The following SP100 variants were observed in gnomAD, a reference collection of about 807,000 sequenced individuals.
SP100 encodes nuclear autoantigen Sp-100.
In SP100, 84 loss-of-function variants were observed where a neutral mutation model predicts 130.0. The ratio of observed to expected loss-of-function variants is 0.65; its 90% CI spans 0.54 to 0.77. The LOEUF (loss-of-function observed/expected upper bound fraction) is 0.77. Among genes scored for constraint, SP100 ranks in the 30% least tolerant of loss-of-function variants. The pLI is 0.00. For synonymous variants in SP100, 331 were observed against 351.7 expected (o/e 0.94, Z 0.66); for missense variants, 978 against 1,052.2 (o/e 0.93, Z 0.97).
At chr2:230,506,205 C>T in intron 21 of SP100, 98 bp from the exon 22 acceptor site, 1 of 1,325,282 alleles carries the variant, frequency 7.5e-7, no homozygotes, top group Non-Finnish European at 1.1e-6. Flanking sequence ...CTGCTACGAT[C>T]CTAAGCCCAA....
At chr2:230,450,077 G>C in intron 7 of SP100, 95 bp from the exon 8 acceptor site, 3 of 824,942 alleles carry the variant, frequency 3.6e-6, no homozygotes, top group Non-Finnish European at 6.1e-6. Flanking sequence ...GTAGAAACAG[G>C]AGAAGAAAGG....
Position 230,537,825 on chromosome 2 carries a change from T to C in SP100, c.2095-1442T>C, listed in dbSNP as rs1455233458. 2.6e-5 allele frequency: 4 copies of C among 152,352 alleles called. No individual in the cohort carries two copies. In the East Asian group the frequency reaches 7.7e-4, roughly 29 times the overall value. 9.4% of individuals were successfully genotyped at this position (152,352 alleles called of 1,614,324 possible). ...CAAGAAAAGTTGTGAGTCACTGTAG[T>C]GCAATACAGTTCGATCACAATTGCC... On this transcript the variant is annotated intron_variant, in intron 24 of 28. Coordinates refer to ENST00000340126, the MANE Select transcript of SP100 (RefSeq NM_001080391.2).
At chr2:230,436,310 A>G (rs1012695017) in intron 2 of SP100, among the ~76,000 whole-genome samples, 1 of 152,002 alleles carries the variant, frequency 6.6e-6, no homozygotes, top group African/African-American at 2.4e-5. Context: ...TTTTCTATTC[A>G]TACTCTCATA....
At chr2:230,425,588 A>C (rs200784019) in intron 2 of SP100, among the ~76,000 whole-genome samples, 1 of 148,638 alleles carries the variant, frequency 6.7e-6, no homozygotes, top group Non-Finnish European at 1.5e-5. Flanking sequence ...TCATCCTTGC[A>C]TCCCAGGGAT....
At chr2:230,443,283 T>A (rs1384760233) in intron 3 of SP100, among the ~76,000 whole-genome samples, 184 bp downstream of exon 3, 1 of 152,122 alleles carries the variant, frequency 6.6e-6, no homozygotes, top group African/African-American at 2.4e-5. Flanking sequence ...GAAGCAGAGG[T>A]CGCCGGAGAT....
chr2:230,529,577 A>C (rs190396807), intron 24 of SP100, among the ~76,000 whole-genome samples: 61 of 152,342 alleles, frequency 4.0e-4, no homozygotes, highest in African/African-American at 1.4e-3. Flanking sequence ...AGTTCTGGCT[A>C]GGGCAGTCAG....
At chr2:230,531,615 T>C (rs1165188862) in intron 24 of SP100, among the ~76,000 whole-genome samples, 4 of 152,236 alleles carry the variant, frequency 2.6e-5, no homozygotes, top group African/African-American at 9.6e-5. Context: ...TTTCTTTTTT[T>C]TAATATAATT....
At chr2:230,431,593 A>C (rs2063101818) in intron 2 of SP100, among the ~76,000 whole-genome samples, 1 of 152,130 alleles carries the variant, frequency 6.6e-6, no homozygotes, top group African/African-American at 2.4e-5. Context: ...GAAACCTCCT[A>C]TTCTGCCATC....
chr2:230,464,096 A>G lies in SP100; in HGVS notation c.1087A>G (p.Asn363Asp), dbSNP rs768093522. ...VINNDNPLES[N>D]DEKEGQEATC... Reference sequence around the variant, plus strand: ...CAATAATGACAACCCTTTAGAATCAAATGATGAAAAGGAGGGCCAAGAAGC... The same window carrying G: ...CAATAATGACAACCCTTTAGAATCAGATGATGAAAAGGAGGGCCAAGAAGC... Residue 363 changes from asparagine (N) to aspartate (D), a missense_variant, in exon 11 of 29, where the codon AAT (asparagine) becomes GAT (aspartate). By Grantham distance (23) the Asn-to-Asp change is conservative (BLOSUM62 1). Transcript: ENST00000340126. 13 of 1,613,166 alleles carry G rather than the reference A, an allele frequency of 8.1e-6. No homozygotes were observed. The South Asian group carries it at 1.3e-4, about 16-fold the overall frequency.
chr2:230,507,947 A>T (rs1690246403), intron 22 of SP100, 46 bp from the exon 23 acceptor site: 1 of 1,583,594 alleles, frequency 6.3e-7, no homozygotes, highest in African/African-American at 1.4e-5. Context: ...AGCTCACAAA[A>T]TAAAAGCAAG....
At chr2:230,501,782 C>T (rs181267105) in intron 19 of SP100, among the ~76,000 whole-genome samples, 105 of 152,274 alleles carry the variant, frequency 6.9e-4, no homozygotes, top group Admixed American at 9.8e-4. Context: ...TCAGCAAACA[C>T]GTTTGAACGA....
chr2:230,477,939 C>CAAAAAAA (rs11420486), intron 17 of SP100, among the ~76,000 whole-genome samples: 12 of 125,086 alleles, frequency 9.6e-5, no homozygotes, highest in African/African-American at 2.8e-4. Flanking sequence ...TGTCTCAAAA[C>CAAAAAAA]AAAACAAACA....
intron 24 of SP100, among the ~76,000 whole-genome samples, chr2:230,524,197 A>AG (rs1364145320): frequency 6.9e-4 from 98 of 141,558 alleles, no homozygotes; most frequent in African/African-American, 2.3e-3. Flanking sequence ...AAAAAAAAAA[A>AG]AAAAGAAAAT....
At chr2:230,432,813 T>C (rs1344141881) in intron 2 of SP100, among the ~76,000 whole-genome samples, 2 of 152,150 alleles carry the variant, frequency 1.3e-5, no homozygotes, top group African/African-American at 4.8e-5. Flanking sequence ...CTCTTTATGG[T>C]ATATTTGAGG....
intron 2 of SP100, among the ~76,000 whole-genome samples, chr2:230,420,015 A>G (rs1469501500): frequency 6.6e-6 from 1 of 152,226 alleles, no homozygotes; most frequent in African/African-American, 2.4e-5. Context: ...AGATAAATTT[A>G]GGAAGAATTT....
chr2:230,490,931 G>T (rs1407355298), intron 17 of SP100, among the ~76,000 whole-genome samples: 1 of 152,078 alleles, frequency 6.6e-6, no homozygotes, highest in Non-Finnish European at 1.5e-5. Context: ...GGACCTTGGA[G>T]AATCTGATGA....
chr2:230,520,233 G>T (rs991500307), intron 24 of SP100, among the ~76,000 whole-genome samples: 5 of 152,094 alleles, frequency 3.3e-5, no homozygotes, highest in Non-Finnish European at 5.9e-5. Context: ...CCATGTTGCT[G>T]GGGGTATGCC....
At chr2:230,522,350 G>A (rs1474187267) in intron 24 of SP100, among the ~76,000 whole-genome samples, 2 of 152,064 alleles carry the variant, frequency 1.3e-5, no homozygotes, top group African/African-American at 4.8e-5. Flanking sequence ...GGAATCTGGA[G>A]TTTGTTGTTA....
intron 8 of SP100, among the ~76,000 whole-genome samples, chr2:230,460,588 G>T (rs1446219462): frequency 4.5e-5 from 2 of 44,870 alleles, no homozygotes; most frequent in Admixed American, 5.1e-4. Flanking sequence ...TTGGTAATCT[G>T]TTTCTTTTTT....
Sources: gnomAD v4.1 joint callset for allele counts (sites outside exome capture counted in the v4.1 genomes callset) on GRCh38, gnomAD v4.1.1 for gene constraint, MANE v1.5 for transcripts, NCBI Gene and HGNC (gene_info 2026-07-23, HGNC 2026-07-21) for gene names.